ZEB2: variants seen among roughly 807,000 people sequenced by gnomAD.
ZEB2 encodes zinc finger E-box-binding homeobox 2.
Under a neutral mutation model 99.9 loss-of-function variants are expected in ZEB2, and 6 were observed. That is an observed-to-expected ratio of 0.06 (90% CI 0.03 to 0.12). The LOEUF (loss-of-function observed/expected upper bound fraction) is 0.12. ZEB2 is among the 10% of genes least tolerant of loss of function. The pLI is 1.00. For synonymous variants in ZEB2, 517 were observed against 542.5 expected (o/e 0.95, Z 0.65); for missense variants, 969 against 1,502.8 (o/e 0.64, Z 5.87).
intron 2 of ZEB2, among the ~76,000 whole-genome samples, chr2:144,486,777 T>C (rs1005760610): frequency 6.6e-6 from 1 of 152,116 alleles, no homozygotes; most frequent in Non-Finnish European, 1.5e-5. Flanking sequence ...TATTAAAAAC[T>C]CAAAACATGC....
chr2:144,424,665 A>C, intron 4 of ZEB2, 131 bp downstream of exon 4: 1 of 1,087,872 alleles, frequency 9.2e-7, no homozygotes, highest in Non-Finnish European at 1.4e-6. Flanking sequence ...AAACAAAACC[A>C]GAGACCTGTA....
rs1390701062 is a variant in ZEB2, at chr2:144,517,991, C to T, written c.-69-572G>A. 10 of 288,350 alleles carry T rather than the reference C, an allele frequency of 3.5e-5. No individual in the cohort carries two copies. In the East Asian group the frequency reaches 6.5e-4, roughly 19 times the overall value. The allele number at this position is 288,350 out of a possible 1,614,324, so 17.9% of individuals were successfully genotyped here. A position where few individuals can be genotyped will look rare whatever the true frequency, so the allele number is the denominator to read the frequency against. Reference sequence around the variant, plus strand: ...GGAGTTTATCGAGGCACTGTCTCTTCCTCCCCCCACCCTCGCCCCCAAATT... The same window carrying T: ...GGAGTTTATCGAGGCACTGTCTCTTTCTCCCCCCACCCTCGCCCCCAAATT... On this transcript the variant is annotated intron_variant, in intron 1 of 9. Coordinates refer to ENST00000627532, the MANE Select transcript of ZEB2 (RefSeq NM_014795.4).
chr2:144,480,333 T>TA (rs1158148815), intron 2 of ZEB2, among the ~76,000 whole-genome samples: 6 of 152,254 alleles, frequency 3.9e-5, no homozygotes, highest in South Asian at 2.1e-4. Context: ...AAATAAGTAA[T>TA]ATGCTCTTTC....
At chr2:144,484,356 AG>A (rs1704564198) in intron 2 of ZEB2, among the ~76,000 whole-genome samples, 5 of 152,146 alleles carry the variant, frequency 3.3e-5, no homozygotes, top group African/African-American at 7.2e-5. Flanking sequence ...AGGCCCAGAG[AG>A]GTTAAGGATG....
intron 2 of ZEB2, among the ~76,000 whole-genome samples, chr2:144,492,924 T>C (rs1429500778): frequency 1.3e-5 from 2 of 152,212 alleles, no homozygotes; most frequent in Admixed American, 6.5e-5. Context: ...TGGCCTGAGC[T>C]GAGATGGGCA....
chr2:144,513,962 C>G, intron 2 of ZEB2: 4 of 1,359,678 alleles, frequency 2.9e-6, no homozygotes, highest in Admixed American at 2.5e-5. Context: ...GCGGGCAACT[C>G]GCTTTTTGCC....
intron 2 of ZEB2, among the ~76,000 whole-genome samples, chr2:144,437,720 T>G (rs1703856507): frequency 6.6e-6 from 1 of 152,076 alleles, no homozygotes; most frequent in African/African-American, 2.4e-5. Context: ...ACCTTGGAAA[T>G]AAAACCTTGA....
At chr2:144,470,402 C>CT (rs1248463771) in intron 2 of ZEB2, 2 of 152,102 alleles carry the variant, frequency 1.3e-5, no homozygotes, top group Non-Finnish European at 2.9e-5. Context: ...AGTATTAATA[C>CT]TTTTTTATCA....
At chr2:144,466,311 T>C (rs1340951536) in intron 2 of ZEB2, among the ~76,000 whole-genome samples, 1 of 152,156 alleles carries the variant, frequency 6.6e-6, no homozygotes, top group African/African-American at 2.4e-5. Context: ...TTTCTTTTTG[T>C]TGAGAAAAGC....
intron 4 of ZEB2, among the ~76,000 whole-genome samples, chr2:144,417,003 G>T (rs1010099664): frequency 6.6e-6 from 1 of 152,162 alleles, no homozygotes; most frequent in Non-Finnish European, 1.5e-5. Flanking sequence ...ATGCGCTAAC[G>T]TTGCACTAAA....
chr2:144,457,820 G>C (rs1704141086), intron 2 of ZEB2, among the ~76,000 whole-genome samples: 1 of 151,998 alleles, frequency 6.6e-6, no homozygotes. Context: ...AATTCAAATG[G>C]ATTCTACAAA....
rs1163658080 is a variant in ZEB2 at position 144,451,057 on chromosome 2, T to A, written c.74-21031A>T. On this transcript the variant is annotated intron_variant, in intron 2 of 9. Transcript: ENST00000627532. ...GGAGTGGACAAGTGATTTTAGAAAC[T>A]GAGAGTGGGGGAGTCATAAAAAAGG... 2.0e-5 allele frequency among the ~76,000 whole-genome samples: 3 copies of A among 152,180 alleles called. No homozygotes were observed. In the South Asian group the frequency reaches 6.2e-4, roughly 32 times the overall value.
chr2:144,496,434 A>C (rs1227339028), intron 2 of ZEB2: 3 of 152,218 alleles, frequency 2.0e-5, no homozygotes, highest in Non-Finnish European at 2.9e-5. Flanking sequence ...TCAAACTGAC[A>C]TAGTAATGAA....
intron 9 of ZEB2, among the ~76,000 whole-genome samples, chr2:144,390,290 C>T (rs1019711074): frequency 6.6e-6 from 1 of 152,152 alleles, no homozygotes; most frequent in Non-Finnish European, 1.5e-5. Flanking sequence ...AGACAGGAAG[C>T]TTTCCATTGC....
chr2:144,493,274 T>A (rs1177632649), intron 2 of ZEB2, among the ~76,000 whole-genome samples: 1 of 152,200 alleles, frequency 6.6e-6, no homozygotes, highest in East Asian at 1.9e-4. Context: ...GCATCCTGAT[T>A]AGTCACACCT....
rs1260146230 is a variant in ZEB2 at position 144,396,393 on chromosome 2, T to C, written c.3067+19A>G. 1 of 1,612,574 alleles carries C rather than the reference T, an allele frequency of 6.2e-7. No individual in the cohort carries two copies. Reference sequence around the variant, plus strand: ...AGCAGGACGGGAAGCTCTAACCAGTTAGGCAAAGTCACTCATACCTGTGTG... The same window carrying C: ...AGCAGGACGGGAAGCTCTAACCAGTCAGGCAAAGTCACTCATACCTGTGTG... On this transcript the variant is annotated intron_variant, in intron 9 of 9. Coordinates refer to ENST00000627532, the MANE Select transcript of ZEB2 (RefSeq NM_014795.4).
rs1012240679 is a variant in ZEB2, at chr2:144,517,477, G to A, written c.-69-58C>T. On this transcript the variant is annotated intron_variant, in intron 1 of 9. Coordinates refer to ENST00000627532, the MANE Select transcript of ZEB2 (RefSeq NM_014795.4). ...CGCCCGCGCCCATTGAAACGCGCGC[G>A]GGCCGCCCAGGGGAGCCGGGCCAGG... 4 of 1,178,730 alleles carry A rather than the reference G, an allele frequency of 3.4e-6. No individual in the cohort carries two copies. The African/African-American group carries it at 4.5e-5, about 13-fold the overall frequency. The allele number at this position is 1,178,730 out of a possible 1,614,324, so 73.0% of individuals were successfully genotyped here.
At chr2:144,512,825 A>G (rs1176194802) in intron 2 of ZEB2, 12 of 1,287,110 alleles carry the variant, frequency 9.3e-6, no homozygotes, top group Non-Finnish European at 1.2e-5. Flanking sequence ...AACTTGCAGA[A>G]GATCTCCACA....
rs1573706496 is a variant in ZEB2 at position 144,388,298 on chromosome 2, A to G, written c.*1153T>C. ...TAAAATAATAAAATTGAAAAATCCCATCTCACAATTAATGTTCCAAAACAC... is the reference window on the plus strand; with the variant it reads ...TAAAATAATAAAATTGAAAAATCCCGTCTCACAATTAATGTTCCAAAACAC... On this transcript the variant is annotated 3_prime_UTR_variant, in exon 10 of 10. Coordinates refer to ENST00000627532, the MANE Select transcript of ZEB2 (RefSeq NM_014795.4). The surrounding 1 kb of genome is among the most constrained non-coding windows in gnomAD (Gnocchi z 5.4). 2 of 152,582 alleles carry G rather than the reference A, an allele frequency of 1.3e-5. No homozygotes were observed. The highest frequency in any genetic ancestry group is 2.9e-5 in the Non-Finnish European group (2 of 68,018). 9.5% of individuals were successfully genotyped at this position (152,582 alleles called of 1,614,324 possible).
Sources: gnomAD v4.1 joint callset for allele counts (sites outside exome capture counted in the v4.1 genomes callset) on GRCh38, gnomAD v4.1.1 for gene constraint, Gnocchi (gnomAD v3.1) non-coding constraint, MANE v1.5 for transcripts, NCBI Gene and HGNC (gene_info 2026-07-23, HGNC 2026-07-21) for gene names.